PCDH7: variants seen among roughly 807,000 people sequenced by gnomAD.
The protein encoded by PCDH7 is protocadherin 7.
Under a neutral mutation model 58.9 loss-of-function variants are expected in PCDH7, and 17 were observed. That is an observed-to-expected ratio of 0.29 (90% CI 0.20 to 0.43). The LOEUF is 0.43. PCDH7 is among the 20% of genes least tolerant of loss of function. The pLI is 1.00. For missense variants in PCDH7, 1,274 were observed against 1,441.0 expected (o/e 0.88, Z 1.88); for synonymous variants, 664 against 616.4 (o/e 1.08, Z -1.14).
chr4:30,869,396 T>C (rs550276282), intron 1 of PCDH7, among the ~76,000 whole-genome samples: 1 of 152,220 alleles, frequency 6.6e-6, no homozygotes, highest in East Asian at 1.9e-4. Context: ...CAACCTGCCA[T>C]CTACATTAGG....
intron 2 of PCDH7, among the ~76,000 whole-genome samples, chr4:30,942,185 G>T (rs943698551): frequency 6.6e-6 from 1 of 151,712 alleles, no homozygotes; most frequent in Non-Finnish European, 1.5e-5. Flanking sequence ...ATGAATATTC[G>T]AATCAAGGAT....
chr4:31,017,406 T>C (rs1753700544), intron 3 of PCDH7, among the ~76,000 whole-genome samples: 1 of 152,178 alleles, frequency 6.6e-6, no homozygotes, highest in Non-Finnish European at 1.5e-5. Flanking sequence ...TTTGTTCATA[T>C]ATACACTGGT....
chr4:30,860,658 G>A (rs185067426), intron 1 of PCDH7, among the ~76,000 whole-genome samples: 115 of 152,134 alleles, frequency 7.6e-4, no homozygotes, highest in African/African-American at 2.5e-3. Context: ...GAAAAACAGC[G>A]TCATCTGCCT....
At chr4:30,993,595 G>A (rs927956981) in intron 3 of PCDH7, among the ~76,000 whole-genome samples, 15 of 152,100 alleles carry the variant, frequency 9.9e-5, no homozygotes, top group African/African-American at 3.6e-4. Context: ...CATTAGATAC[G>A]CTGTCATTTT....
intron 3 of PCDH7, among the ~76,000 whole-genome samples, chr4:31,032,572 C>G (rs2109188828): frequency 6.8e-6 from 1 of 146,978 alleles, no homozygotes; most frequent in East Asian, 2.0e-4. Context: ...TGTGCCACTG[C>G]ACTCCAGCCT....
At chr4:30,925,656 G>A (rs1219370083) in intron 2 of PCDH7, 1 of 152,130 alleles carries the variant, frequency 6.6e-6, no homozygotes, top group Non-Finnish European at 1.5e-5. Flanking sequence ...CCTGTCAATT[G>A]TGACATGGCT....
chr4:30,756,123 A>T (rs895364869), intron 1 of PCDH7, among the ~76,000 whole-genome samples: 1 of 152,158 alleles, frequency 6.6e-6, no homozygotes. Flanking sequence ...GGCGGAGGTC[A>T]AAGTGGAAAC....
chr4:31,146,645 C>T (rs1239068395), downstream of PCDH7: 2 of 152,080 alleles, frequency 1.3e-5, no homozygotes, highest in Non-Finnish European at 2.9e-5. Context: ...TCACTATGCA[C>T]GCAACTATGC....
chr4:30,893,509 G>A (rs901434354), intron 1 of PCDH7, among the ~76,000 whole-genome samples: 4 of 151,972 alleles, frequency 2.6e-5, no homozygotes, highest in African/African-American at 9.7e-5. Context: ...CTCACTTATG[G>A]CTATTACCAC....
intron 3 of PCDH7, among the ~76,000 whole-genome samples, chr4:31,141,959 C>T (rs973239518): frequency 6.6e-6 from 1 of 152,098 alleles, no homozygotes. Flanking sequence ...TGAGTCACCC[C>T]ATGTCTTAGA....
Sources: gnomAD v4.1 joint callset for allele counts (sites outside exome capture counted in the v4.1 genomes callset) on GRCh38, gnomAD v4.1.1 for gene constraint, MANE v1.5 for transcripts, NCBI Gene and HGNC (gene_info 2026-07-23, HGNC 2026-07-21) for gene names.